Variants in ALK observed in about 807,000 individuals in gnomAD.
ALK encodes ALK receptor tyrosine kinase.
ALK carries 74 observed loss-of-function variants against 163.1 expected under a neutral mutation model. The observed-to-expected ratio is 0.45, with a 90% CI of 0.38 to 0.55. The LOEUF is 0.55. ALK is among the 20% of genes least tolerant of loss of function. The probability of loss-of-function intolerance (pLI) is 0.00; values close to 1 mark genes in which losing one functional copy is unlikely to be tolerated. For synonymous variants in ALK, 960 were observed against 843.2 expected (o/e 1.14, Z -2.40); for missense variants, 2,063 against 2,105.3 (o/e 0.98, Z 0.39).
intron 4 of ALK, among the ~76,000 whole-genome samples, chr2:29,525,413 G>A (rs1672931111): frequency 1.3e-5 from 2 of 152,088 alleles, no homozygotes; most frequent in Non-Finnish European, 2.9e-5. Flanking sequence ...TTAACTTTTG[G>A]TGCACACCCA....
intron 4 of ALK, among the ~76,000 whole-genome samples, chr2:29,457,616 G>A (rs1296467624): frequency 1.3e-5 from 2 of 152,124 alleles, no homozygotes; most frequent in East Asian, 3.9e-4. Flanking sequence ...CTCAGATGGT[G>A]CCTTCAAACA....
At chr2:29,643,744 C>T (rs894756937) in intron 3 of ALK, among the ~76,000 whole-genome samples, 1 of 152,000 alleles carries the variant, frequency 6.6e-6, no homozygotes, top group Non-Finnish European at 1.5e-5. Context: ...CTAGTAGTTT[C>T]CCAACAGGTG....
At chr2:29,383,991 A>T in intron 4 of ALK, 132 bp from the exon 5 acceptor site, 1 of 1,109,938 alleles carries the variant, frequency 9.0e-7, no homozygotes, top group Non-Finnish European at 1.4e-6. Flanking sequence ...AAGAGATGGG[A>T]CTCGAAGTGG....
Position 29,632,352 on chromosome 2 carries a change from A to T in ALK, c.952+62498T>A, listed in dbSNP as rs141047090. ...AGTTGAAGTCCTAGGCCCCAGTATG[A>T]TTGTATTTGGAGATAGGGATCTTAA... is the stretch of plus-strand genomic sequence containing the variant. On this transcript the variant is annotated intron_variant, in intron 3 of 28. Transcript: ENST00000389048. Among the ~76,000 whole-genome samples the T allele has an allele frequency of 7.4e-4, 113 of 152,228 alleles. No homozygotes were observed. The East Asian group carries it at 0.016, about 22-fold the overall frequency.
chr2:29,762,632 T>TA (rs1680740248), intron 1 of ALK, among the ~76,000 whole-genome samples: 1 of 152,192 alleles, frequency 6.6e-6, no homozygotes, highest in South Asian at 2.1e-4. Flanking sequence ...TAGCAGCTCT[T>TA]AGAGACATAG....
At chr2:29,725,956 C>T (rs1462395951) in intron 1 of ALK, among the ~76,000 whole-genome samples, 3 of 152,210 alleles carry the variant, frequency 2.0e-5, no homozygotes, top group African/African-American at 7.2e-5. Context: ...GCAAGCACCT[C>T]CTGACTCATC....
At chr2:29,199,966 T>C (rs951709186) in intron 26 of ALK, among the ~76,000 whole-genome samples, 1 of 152,212 alleles carries the variant, frequency 6.6e-6, no homozygotes, top group African/African-American at 2.4e-5. Context: ...AAGACTCTTG[T>C]GAGAAGGATT....
chr2:29,227,176 C>T lies in ALK; in HGVS notation c.2915-102G>A. On this transcript the variant is annotated intron_variant, in intron 17 of 28. Coordinates refer to ENST00000389048, the MANE Select transcript of ALK (RefSeq NM_004304.5). The surrounding 1 kb of genome is among the most constrained non-coding windows in gnomAD (Gnocchi z 4.4). ...TGGTCACTGTGGGTGCTCTGGTGGT[C>T]CCTGTTCCTAGGTCCCATAGCCACT... is the stretch of plus-strand genomic sequence containing the variant. 1 of 1,492,326 alleles carries T rather than the reference C, an allele frequency of 6.7e-7. No homozygotes were observed. Among genetic ancestry groups the T allele is most frequent in the Non-Finnish European group, 9.3e-7 (1 of 1,073,730 alleles). The allele number at this position is 1,492,326 out of a possible 1,614,324, so 92.4% of individuals were successfully genotyped here.
At chr2:29,238,216 C>T (rs1217913085) in intron 13 of ALK, among the ~76,000 whole-genome samples, 4 of 152,078 alleles carry the variant, frequency 2.6e-5, no homozygotes, top group African/African-American at 7.2e-5. Flanking sequence ...AATCTTTTTG[C>T]GACAGAGTTT....
chr2:29,491,674 C>A (rs1671906049), intron 4 of ALK, among the ~76,000 whole-genome samples: 1 of 152,204 alleles, frequency 6.6e-6, no homozygotes, highest in South Asian at 2.1e-4. Context: ...CTCTTGGAAG[C>A]AGCTGAGCTT....
intron 4 of ALK, among the ~76,000 whole-genome samples, chr2:29,414,504 T>C (rs1326296028): frequency 6.6e-6 from 1 of 152,176 alleles, no homozygotes; most frequent in Non-Finnish European, 1.5e-5. Flanking sequence ...TAGGTCATAG[T>C]AGGCCCCTGG....
chr2:29,668,114 T>C (rs1677573161), intron 3 of ALK, among the ~76,000 whole-genome samples: 1 of 152,106 alleles, frequency 6.6e-6, no homozygotes, highest in South Asian at 2.1e-4. Context: ...TTTGTATTTC[T>C]GAGGTATCAG....
intron 1 of ALK, among the ~76,000 whole-genome samples, chr2:29,728,773 A>G (rs2631952): frequency 0.87 from 132,417 of 152,122 alleles, 57,835 homozygotes; most frequent in African/African-American, 0.93. Flanking sequence ...CACCAAGAAA[A>G]GTGAGGCATT....
At chr2:29,595,550 G>C (rs1460015904) in intron 3 of ALK, among the ~76,000 whole-genome samples, 1 of 152,056 alleles carries the variant, frequency 6.6e-6, no homozygotes, top group Non-Finnish European at 1.5e-5. Context: ...TCGATTTCCT[G>C]ACCTCATGAT....
chr2:29,849,380 G>A lies in ALK; in HGVS notation c.667+70613C>T, dbSNP rs150989653. 6.9e-3 allele frequency among the ~76,000 whole-genome samples: 1,051 copies of A among 152,340 alleles called. 11 individuals carry two copies. The highest frequency in any genetic ancestry group is 0.023 in the African/African-American group (962 of 41,576). On this transcript the variant is annotated intron_variant, in intron 1 of 28. Transcript: ENST00000389048. Reference sequence around the variant, plus strand: ...TGCCTCAACTTCCCCACCTGTGCATGTGGTAAGAAGAGGGACTACCCACAG... The same window carrying A: ...TGCCTCAACTTCCCCACCTGTGCATATGGTAAGAAGAGGGACTACCCACAG...
chr2:29,765,021 G>C (rs1680818868), intron 1 of ALK, among the ~76,000 whole-genome samples: 1 of 152,068 alleles, frequency 6.6e-6, no homozygotes, highest in Admixed American at 6.6e-5. Flanking sequence ...TCTCTCTCTT[G>C]CTTCTGCTCT....
chr2:29,330,178 C>G (rs1667397719), intron 5 of ALK, among the ~76,000 whole-genome samples: 1 of 152,202 alleles, frequency 6.6e-6, no homozygotes, highest in African/African-American at 2.4e-5. Flanking sequence ...GCCCTTTCAC[C>G]TGCTCTTCAA....
chr2:29,423,684 C>T (rs1475766839), intron 4 of ALK, among the ~76,000 whole-genome samples: 4 of 152,166 alleles, frequency 2.6e-5, no homozygotes, highest in African/African-American at 9.7e-5. Flanking sequence ...TAATGATACC[C>T]CTTTTCTCCT....
At chr2:29,561,287 T>A (rs1321100439) in intron 3 of ALK, among the ~76,000 whole-genome samples, 1 of 152,166 alleles carries the variant, frequency 6.6e-6, no homozygotes, top group Non-Finnish European at 1.5e-5. Context: ...TTGTGCTTCC[T>A]CTCTTCTTGG....
Sources: gnomAD v4.1 joint callset for allele counts (sites outside exome capture counted in the v4.1 genomes callset) on GRCh38, gnomAD v4.1.1 for gene constraint, Gnocchi (gnomAD v3.1) non-coding constraint, MANE v1.5 for transcripts, NCBI Gene and HGNC (gene_info 2026-07-23, HGNC 2026-07-21) for gene names.